Variants in ST7 observed in about 807,000 individuals in gnomAD.
The protein encoded by ST7 is suppressor of tumorigenicity 7 protein.
In ST7, 28 loss-of-function variants were observed where a neutral mutation model predicts 78.7. That is an observed-to-expected ratio of 0.36 (90% CI 0.26 to 0.49). ST7 has a LOEUF of 0.49. ST7 is among the 20% of genes least tolerant of loss of function. The pLI is 0.99. For synonymous variants in ST7, 247 were observed against 249.6 expected (o/e 0.99, Z 0.10); for missense variants, 418 against 696.0 (o/e 0.60, Z 4.49).
chr7:117,205,183 A>T (rs947418637), intron 12 of ST7, among the ~76,000 whole-genome samples: 11 of 151,562 alleles, frequency 7.3e-5, no homozygotes, highest in African/African-American at 2.4e-4. Context: ...TGATTGTCCA[A>T]TGGTTTTTAA....
At position 116,996,877 on chromosome 7, in the gene ST7, T is replaced by A. The variant is rs565189104; in HGVS notation, c.151+43186T>A. Among the ~76,000 whole-genome samples, 4 of 152,204 alleles carry A rather than the reference T, an allele frequency of 2.6e-5. No homozygotes were observed. The South Asian group carries it at 6.2e-4, about 24-fold the overall frequency. Reference sequence around the variant, plus strand: ...GTTCTGGAGACATGAATGTCTTCTATAAGAAAAGGATTCGATAGCCAGTAG... The same window carrying A: ...GTTCTGGAGACATGAATGTCTTCTAAAAGAAAAGGATTCGATAGCCAGTAG... On this transcript the variant is annotated intron_variant, in intron 1 of 15. Coordinates refer to ENST00000323984, the MANE Select transcript of ST7 (RefSeq NM_001369598.1).
chr7:117,222,821 T>C (rs759108924), intron 15 of ST7: 8 of 1,487,068 alleles, frequency 5.4e-6, no homozygotes, highest in Non-Finnish European at 7.5e-6. Context: ...TCAGAAAGGA[T>C]GATTTCTAAC....
At chr7:117,191,187 C>T (rs958153188) in intron 12 of ST7, among the ~76,000 whole-genome samples, 1 of 152,110 alleles carries the variant, frequency 6.6e-6, no homozygotes, top group African/African-American at 2.4e-5. Flanking sequence ...GGCCAGGAAG[C>T]CTGAAATTGG....
intron 1 of ST7, among the ~76,000 whole-genome samples, chr7:117,025,108 T>C (rs1397654401): frequency 2.0e-5 from 3 of 152,150 alleles, no homozygotes; most frequent in Non-Finnish European, 4.4e-5. Flanking sequence ...GACATCTCTT[T>C]GATAAAAAAA....
At chr7:117,225,145 G>A (rs73716418) in intron 15 of ST7, among the ~76,000 whole-genome samples, 5,247 of 152,256 alleles carry the variant, frequency 0.034, 296 homozygotes, top group African/African-American at 0.12. Flanking sequence ...ACACCTGGGT[G>A]TTCTCTAGGA....
intron 9 of ST7, among the ~76,000 whole-genome samples, chr7:117,167,770 T>C (rs1029734517): frequency 6.6e-6 from 1 of 151,994 alleles, no homozygotes; most frequent in African/African-American, 2.4e-5. Context: ...CAGAAGAGAA[T>C]GCTGTTGAAG....
intron 12 of ST7, among the ~76,000 whole-genome samples, chr7:117,206,033 A>G (rs948914941): frequency 1.3e-5 from 2 of 152,178 alleles, no homozygotes; most frequent in African/African-American, 4.8e-5. Context: ...TTCTAATTTA[A>G]ATGTTGCACA....
intron 1 of ST7, among the ~76,000 whole-genome samples, chr7:117,013,103 G>A (rs903497066): frequency 6.6e-6 from 1 of 152,144 alleles, no homozygotes; most frequent in Non-Finnish European, 1.5e-5. Flanking sequence ...AAAAATCCAT[G>A]CTAACTACTA....
At chr7:117,012,834 T>C (rs932501090) in intron 1 of ST7, among the ~76,000 whole-genome samples, 1 of 152,224 alleles carries the variant, frequency 6.6e-6, no homozygotes, top group African/African-American at 2.4e-5. Context: ...TTCTGTTTGC[T>C]AAGCCTGGCT....
chr7:117,033,488 A>G (rs916231402), intron 1 of ST7, among the ~76,000 whole-genome samples: 5 of 151,604 alleles, frequency 3.3e-5, no homozygotes, highest in Admixed American at 6.6e-5. Flanking sequence ...TCGTAGTGCA[A>G]TCTTGGCTCA....
At chr7:117,135,002 G>T (rs2117044805) in intron 7 of ST7, among the ~76,000 whole-genome samples, 1 of 152,178 alleles carries the variant, frequency 6.6e-6, no homozygotes, top group South Asian at 2.1e-4. Flanking sequence ...ATTGCAGTTT[G>T]TGGACAGTAA....
intron 10 of ST7, chr7:117,173,490 T>C (rs1808147229): frequency 6.6e-6 from 1 of 152,284 alleles, no homozygotes; most frequent in Admixed American, 6.5e-5. Flanking sequence ...AAATGGGTTC[T>C]TTCAAGTTTA....
intron 9 of ST7, among the ~76,000 whole-genome samples, chr7:117,167,013 C>T (rs1178596268): frequency 6.6e-6 from 1 of 150,700 alleles, no homozygotes; most frequent in Non-Finnish European, 1.5e-5. Context: ...GCATAAGTTA[C>T]TGGCAGCATG....
intron 1 of ST7, among the ~76,000 whole-genome samples, chr7:117,099,409 T>C (rs1016243920): frequency 5.9e-5 from 9 of 152,212 alleles, no homozygotes; most frequent in South Asian, 4.1e-4. Flanking sequence ...TCCCACAAAA[T>C]GTGTAAGAGC....
chr7:117,153,421 G>T (rs1159922711), intron 9 of ST7, among the ~76,000 whole-genome samples: 1 of 152,160 alleles, frequency 6.6e-6, no homozygotes, highest in Non-Finnish European at 1.5e-5. Flanking sequence ...GTGAAGATGA[G>T]ATTATGGAGG....
intron 1 of ST7, chr7:117,098,674 C>T: frequency 1.4e-6 from 1 of 713,786 alleles, no homozygotes; most frequent in Non-Finnish European, 1.9e-6. Flanking sequence ...TATTACTTTG[C>T]TTTCTGGGCT....
chr7:117,053,033 A>T (rs1328283045), intron 1 of ST7, among the ~76,000 whole-genome samples: 1 of 152,200 alleles, frequency 6.6e-6, no homozygotes, highest in African/African-American at 2.4e-5. Flanking sequence ...ACTCAAAGAC[A>T]ACATTTTAAA....
chr7:117,141,594 C>T (rs1399862926), intron 9 of ST7, among the ~76,000 whole-genome samples: 2 of 152,218 alleles, frequency 1.3e-5, no homozygotes, highest in African/African-American at 2.4e-5. Context: ...CGGCACCTTA[C>T]TGCTGAAGGA....
intron 1 of ST7, among the ~76,000 whole-genome samples, chr7:117,014,592 C>G (rs970840304): frequency 5.9e-5 from 9 of 152,098 alleles, no homozygotes; most frequent in Admixed American, 6.5e-5. Flanking sequence ...GACGCTGATT[C>G]CTTTCAGGTT....
Sources: gnomAD v4.1 joint callset for allele counts (sites outside exome capture counted in the v4.1 genomes callset) on GRCh38, gnomAD v4.1.1 for gene constraint, MANE v1.5 for transcripts, NCBI Gene and HGNC (gene_info 2026-07-23, HGNC 2026-07-21) for gene names.